The following TNIK variants were observed in gnomAD, a reference collection of about 807,000 sequenced individuals.
TNIK encodes TRAF2 and NCK-interacting protein kinase.
In TNIK, 49 loss-of-function variants were observed where a neutral mutation model predicts 191.3. The observed-to-expected ratio is 0.26, with a 90% CI of 0.20 to 0.32. The LOEUF (loss-of-function observed/expected upper bound fraction) is 0.32. Among genes scored for constraint, TNIK ranks in the 10% least tolerant of loss-of-function variants. TNIK has a pLI of 1.00. For missense variants in TNIK, 1,155 were observed against 1,702.3 expected (o/e 0.68, Z 5.66); for synonymous variants, 594 against 600.9 (o/e 0.99, Z 0.17).
chr3:171,224,662 T>G (rs1742762362), intron 3 of TNIK, among the ~76,000 whole-genome samples: 1 of 152,150 alleles, frequency 6.6e-6, no homozygotes, highest in Non-Finnish European at 1.5e-5. Context: ...TCATGAGTAC[T>G]TCAGAGGTGC....
intron 12 of TNIK, among the ~76,000 whole-genome samples, chr3:171,151,803 T>C (rs1732469728): frequency 1.3e-5 from 2 of 152,220 alleles, no homozygotes; most frequent in South Asian, 4.1e-4. Flanking sequence ...CTGTGATTCT[T>C]AGAGAAACTT....
Position 171,063,860 on chromosome 3 carries a change from T to C in TNIK, c.*21A>G. 6 of 1,610,216 alleles carry C rather than the reference T, an allele frequency of 3.7e-6. No homozygotes were observed. The highest frequency in any genetic ancestry group is 1.7e-5 in the Admixed American group (1 of 59,438). On this transcript the variant is annotated 3_prime_UTR_variant, in exon 33 of 33. Coordinates refer to ENST00000436636, the MANE Select transcript of TNIK (RefSeq NM_015028.4). Reference sequence around the variant, plus strand: ...TAAATTAGAAATAACGCCATGAAGATAAGTGCCAAGTGCTCTTCTGTTACC... The same window carrying C: ...TAAATTAGAAATAACGCCATGAAGACAAGTGCCAAGTGCTCTTCTGTTACC...
At chr3:171,210,732 T>C (rs182657478) in intron 4 of TNIK, among the ~76,000 whole-genome samples, 1 of 152,032 alleles carries the variant, frequency 6.6e-6, no homozygotes, top group East Asian at 1.9e-4. Context: ...AGTTGCATCA[T>C]TCAAGAAATT....
At chr3:171,441,707 A>G (rs34141146) in intron 1 of TNIK, among the ~76,000 whole-genome samples, 39,489 of 152,080 alleles carry the variant, frequency 0.26, 6,348 homozygotes, top group African/African-American at 0.45. Context: ...AGTAAGTTTA[A>G]CTTTTTCAGA....
chr3:171,251,751 A>G (rs1746249224), intron 2 of TNIK, among the ~76,000 whole-genome samples: 1 of 152,248 alleles, frequency 6.6e-6, no homozygotes, highest in South Asian at 2.1e-4. Context: ...TGATGTTTAA[A>G]TCATTCTGAA....
chr3:171,242,513 AT>A (rs11444884), intron 2 of TNIK, among the ~76,000 whole-genome samples: 1,780 of 144,708 alleles, frequency 0.012, 23 homozygotes, highest in African/African-American at 0.033. Flanking sequence ...ATCAATCTGC[AT>A]TTTTTTTTTT....
intron 1 of TNIK, among the ~76,000 whole-genome samples, chr3:171,380,265 C>T (rs1354242207): frequency 2.0e-5 from 3 of 152,040 alleles, no homozygotes; most frequent in Admixed American, 1.3e-4. Flanking sequence ...TCCAGCAAAA[C>T]GAGGTGGAAA....
At chr3:171,200,579 G>A (rs954767884) in intron 4 of TNIK, among the ~76,000 whole-genome samples, 2 of 152,116 alleles carry the variant, frequency 1.3e-5, no homozygotes, top group Non-Finnish European at 2.9e-5. Context: ...CCCTCTCCAG[G>A]ACAATATTTA....
intron 25 of TNIK, among the ~76,000 whole-genome samples, chr3:171,084,687 T>C (rs1449923170): frequency 6.6e-6 from 1 of 152,220 alleles, no homozygotes; most frequent in Non-Finnish European, 1.5e-5. Context: ...GATTAATTAC[T>C]TGAAGAAGAT....
At chr3:171,215,552 A>G (rs1220903396) in intron 3 of TNIK, among the ~76,000 whole-genome samples, 1 of 152,184 alleles carries the variant, frequency 6.6e-6, no homozygotes, top group African/African-American at 2.4e-5. Context: ...CTTTACAGAA[A>G]ACTACTAGTC....
At chr3:171,120,032 G>T (rs1216817006) in intron 18 of TNIK, among the ~76,000 whole-genome samples, 1 of 152,128 alleles carries the variant, frequency 6.6e-6, no homozygotes, top group Non-Finnish European at 1.5e-5. Context: ...GAGTTATTTG[G>T]GGGAGAAGGA....
intron 2 of TNIK, among the ~76,000 whole-genome samples, chr3:171,342,965 C>T (rs1307023589): frequency 6.6e-6 from 1 of 152,196 alleles, no homozygotes; most frequent in Non-Finnish European, 1.5e-5. Flanking sequence ...TCTTGCCTGC[C>T]ACCATGTAAG....
intron 2 of TNIK, among the ~76,000 whole-genome samples, chr3:171,238,955 T>G (rs1483700385): frequency 6.6e-6 from 1 of 152,260 alleles, no homozygotes; most frequent in Non-Finnish European, 1.5e-5. Flanking sequence ...AACTGGCTTT[T>G]GAGTGGCCAA....
chr3:171,394,771 A>G (rs1720011036), intron 1 of TNIK, among the ~76,000 whole-genome samples: 1 of 152,188 alleles, frequency 6.6e-6, no homozygotes, highest in African/African-American at 2.4e-5. Flanking sequence ...TAATTTTGTT[A>G]TTTGTGCTCC....
At chr3:171,135,947 A>G (rs977141857) in intron 15 of TNIK, among the ~76,000 whole-genome samples, 9 of 152,248 alleles carry the variant, frequency 5.9e-5, no homozygotes, top group South Asian at 2.1e-4. Context: ...TAGAGAGGAC[A>G]GACCAGTAAA....
At chr3:171,221,680 T>C (rs1742359434) in intron 3 of TNIK, among the ~76,000 whole-genome samples, 1 of 152,146 alleles carries the variant, frequency 6.6e-6, no homozygotes, top group Non-Finnish European at 1.5e-5. Context: ...GAATGAAATC[T>C]TGTGATTTCA....
At chr3:171,235,870 C>T (rs1351050622) in intron 2 of TNIK, among the ~76,000 whole-genome samples, 1 of 151,824 alleles carries the variant, frequency 6.6e-6, no homozygotes, top group East Asian at 1.9e-4. Context: ...GGTCAATAAC[C>T]CTCTGAAGAC....
chr3:171,410,167 A>G (rs1297198669), intron 1 of TNIK, among the ~76,000 whole-genome samples: 4 of 152,328 alleles, frequency 2.6e-5, no homozygotes, highest in Middle Eastern at 3.4e-3. Context: ...GAAATACACA[A>G]TTCTCAGTAC....
At chr3:171,132,825 G>A (rs965137882) in intron 15 of TNIK, among the ~76,000 whole-genome samples, 1 of 152,206 alleles carries the variant, frequency 6.6e-6, no homozygotes, top group Admixed American at 6.5e-5. Flanking sequence ...CGGGGTTTAG[G>A]AAGGTCTCAG....
Sources: allele counts gnomAD v4.1 joint callset (sites outside exome capture counted in the v4.1 genomes callset), GRCh38; gene constraint gnomAD v4.1.1; transcripts MANE v1.5; gene names NCBI Gene and HGNC (gene_info 2026-07-23, HGNC 2026-07-21).